The following FOXJ3 variants were observed in gnomAD, a reference collection of about 807,000 sequenced individuals.
FOXJ3 encodes forkhead box J3, also known as forkhead box protein J3.
A neutral mutation model predicts 76.1 loss-of-function variants in FOXJ3; 22 were observed. That is an observed-to-expected ratio of 0.29 (90% CI 0.21 to 0.41). The LOEUF is 0.41. Among genes scored for constraint, FOXJ3 ranks in the 10% least tolerant of loss-of-function variants. The probability of loss-of-function intolerance (pLI) is 1.00; values close to 1 mark genes in which losing one functional copy is unlikely to be tolerated. For missense variants in FOXJ3, 613 were observed against 762.1 expected, an observed-to-expected ratio of 0.80 and a Z score of 2.30; for synonymous variants, 269 against 261.2, an observed-to-expected ratio of 1.03 and a Z score of -0.29.
chr1:42,248,724 T>G (rs1649752371), intron 4 of FOXJ3, among the ~76,000 whole-genome samples: 1 of 123,674 alleles, frequency 8.1e-6, no homozygotes, highest in Non-Finnish European at 1.6e-5. Context: ...AAGTCTCCTG[T>G]TTTTTCTTTT....
rs1652471683 is a variant in FOXJ3 at position 42,278,645 on chromosome 1, T to C, written c.72A>G (p.Leu24=). The change falls in exon 3 of 13, where the codon CTA becomes CTG. Residue 24 remains leucine (L), a synonymous_variant. Coordinates refer to ENST00000361346, the MANE Select transcript of FOXJ3 (RefSeq NM_014947.5). ...LRMTSELESS[L]TSMDWLPQLT... is the part of the protein sequence containing the mutation. ...GCTGTGGTAACCAGTCCATAGACGT[T>C]AGGCTGCTCTCCAGTTCAGATGTCA... The C allele has an allele frequency of 1.2e-6, 2 of 1,613,884 alleles. No homozygotes were observed. The highest frequency in any genetic ancestry group is 1.1e-5 in the South Asian group (1 of 91,072).
At chr1:42,227,796 A>G in intron 5 of FOXJ3, 87 bp downstream of exon 5, 1 of 618,226 alleles carries the variant, frequency 1.6e-6, no homozygotes, top group Non-Finnish European at 2.7e-6. Context: ...TTATAGTTAC[A>G]TGTGCTAGAC....
intron 7 of FOXJ3, among the ~76,000 whole-genome samples, chr1:42,196,674 C>CAG (rs1230317703): frequency 6.6e-6 from 1 of 152,190 alleles, no homozygotes; most frequent in South Asian, 2.1e-4. Flanking sequence ...GTCTGGGCGA[C>CAG]AGAGAGAGAC....
At position 42,250,573 on chromosome 1, in the gene FOXJ3, G is replaced by A. The variant is rs923962459; in HGVS notation, c.444+14542C>T. Among the ~76,000 whole-genome samples, 6 of 151,990 alleles carry A rather than the reference G, an allele frequency of 3.9e-5. 1 individual carries two copies. Among genetic ancestry groups the A allele is most frequent in the African/African-American group, 1.4e-4 (6 of 41,402 alleles). Reference sequence around the variant, plus strand: ...TTAAAAAGTCCAGTAGGCCGGGCACGTGGGAGGCTGAGGTGGGCAGATCAC... The same window carrying A: ...TTAAAAAGTCCAGTAGGCCGGGCACATGGGAGGCTGAGGTGGGCAGATCAC... On this transcript the variant is annotated intron_variant, in intron 4 of 12. Coordinates refer to ENST00000361346, the MANE Select transcript of FOXJ3 (RefSeq NM_014947.5).
At chr1:42,305,224 C>G (rs1332508520) in intron 2 of FOXJ3, among the ~76,000 whole-genome samples, 1 of 152,112 alleles carries the variant, frequency 6.6e-6, no homozygotes, top group Non-Finnish European at 1.5e-5. Context: ...TGGCTTTTAT[C>G]TAAAAGACAG....
intron 4 of FOXJ3, among the ~76,000 whole-genome samples, chr1:42,234,541 T>C (rs1648430717): frequency 6.6e-6 from 1 of 152,170 alleles, no homozygotes; most frequent in East Asian, 1.9e-4. Context: ...TTGTCTACCT[T>C]TGGTCTTTGA....
At chr1:42,188,296 C>A (rs938062041) in intron 11 of FOXJ3, among the ~76,000 whole-genome samples, 3 of 152,196 alleles carry the variant, frequency 2.0e-5, no homozygotes, top group Non-Finnish European at 4.4e-5. Context: ...ATCAGTGAGA[C>A]TATTTTCCAT....
chr1:42,225,450 G>T (rs1189210588), intron 5 of FOXJ3, among the ~76,000 whole-genome samples: 2 of 152,028 alleles, frequency 1.3e-5, no homozygotes, highest in African/African-American at 2.4e-5. Context: ...GAAAAATACA[G>T]GTAATTCAGT....
chr1:42,279,087 A>G (rs1652506308), intron 2 of FOXJ3, among the ~76,000 whole-genome samples: 1 of 152,234 alleles, frequency 6.6e-6, no homozygotes. Context: ...TTTCTTTTAC[A>G]CAAATTTTAG....
intron 5 of FOXJ3, among the ~76,000 whole-genome samples, chr1:42,215,578 T>C (rs568991798): frequency 6.1e-4 from 93 of 152,232 alleles, no homozygotes; most frequent in Admixed American, 1.9e-3. Flanking sequence ...TTTGAAAATT[T>C]AGTAAAAGAC....
chr1:42,281,455 TG>T (rs1260365325), intron 2 of FOXJ3, among the ~76,000 whole-genome samples: 1 of 151,918 alleles, frequency 6.6e-6, no homozygotes, highest in Non-Finnish European at 1.5e-5. Flanking sequence ...TTAAATAGAC[TG>T]GAAAGAAAAA....
intron 4 of FOXJ3, among the ~76,000 whole-genome samples, chr1:42,230,823 A>C (rs1348715888): frequency 4.6e-5 from 7 of 152,216 alleles, no homozygotes; most frequent in African/African-American, 1.7e-4. Flanking sequence ...CAGAATTACC[A>C]AATCATCCAG....
At chr1:42,288,779 C>CAT (rs1653227641) in intron 2 of FOXJ3, among the ~76,000 whole-genome samples, 1 of 151,810 alleles carries the variant, frequency 6.6e-6, no homozygotes, top group Non-Finnish European at 1.5e-5. Flanking sequence ...AGATTTAATG[C>CAT]AGAGAGAGAT....
intron 4 of FOXJ3, among the ~76,000 whole-genome samples, chr1:42,230,500 T>C (rs1647990820): frequency 1.3e-5 from 2 of 152,312 alleles, no homozygotes; most frequent in South Asian, 4.1e-4. Flanking sequence ...TTAATTTATG[T>C]TTCATATAAA....
At chr1:42,255,933 A>C (rs1650552052) in intron 4 of FOXJ3, among the ~76,000 whole-genome samples, 1 of 152,230 alleles carries the variant, frequency 6.6e-6, no homozygotes, top group African/African-American at 2.4e-5. Flanking sequence ...GAGGCAGAAG[A>C]ATCGCTTGAA....
intron 2 of FOXJ3, among the ~76,000 whole-genome samples, chr1:42,301,283 C>T (rs1027885719): frequency 2.0e-5 from 3 of 152,114 alleles, no homozygotes; most frequent in African/African-American, 7.2e-5. Context: ...ACAACCTCCA[C>T]CTCCTGGAAT....
At position 42,302,005 on chromosome 1, in the gene FOXJ3, T is replaced by C. The variant is rs142397535; in HGVS notation, c.44+9045A>G. Reference sequence around the variant, plus strand: ...CCCTTCAGAAGGTGTCTATAATATATGTTGCGTAGGGTCTTTTGGCTTTAG... The same window carrying C: ...CCCTTCAGAAGGTGTCTATAATATACGTTGCGTAGGGTCTTTTGGCTTTAG... On this transcript the variant is annotated intron_variant, in intron 2 of 12. Transcript: ENST00000361346. Among the ~76,000 whole-genome samples, 44 of 152,294 alleles carry C rather than the reference T, an allele frequency of 2.9e-4. No individual in the cohort carries two copies. In the South Asian group the frequency reaches 8.9e-3, roughly 31 times the overall value.
At position 42,264,042 on chromosome 1, in the gene FOXJ3, C is replaced by T. The variant is rs547337520; in HGVS notation, c.444+1073G>A. On this transcript the variant is annotated intron_variant, in intron 4 of 12. Transcript: ENST00000361346. ...TTGAGAGTCCAATTAGGAGCTACTA[C>T]AATGATGACGGTCGCTACAAAATAA... 2.2e-4 allele frequency among the ~76,000 whole-genome samples: 30 copies of T among 135,372 alleles called. No homozygotes were observed. The South Asian group carries it at 7.1e-3, about 32-fold the overall frequency. The allele number at this position is 135,372 out of a possible 152,430, so 88.8% of individuals were successfully genotyped here. A position where few individuals can be genotyped will look rare whatever the true frequency, so the allele number is the denominator to read the frequency against.
intron 2 of FOXJ3, among the ~76,000 whole-genome samples, chr1:42,291,083 T>TAGATAGATAGAC (rs1553167260): frequency 1.3e-4 from 17 of 126,464 alleles, no homozygotes; most frequent in African/African-American, 2.6e-4. Context: ...GATAGATAGA[T>TAGATAGATAGAC]AGACAGACAG....
Sources: allele counts gnomAD v4.1 joint callset (sites outside exome capture counted in the v4.1 genomes callset), GRCh38; gene constraint gnomAD v4.1.1; transcripts MANE v1.5; gene names NCBI Gene and HGNC (gene_info 2026-07-23, HGNC 2026-07-21).